Variants in KCNH8 observed in about 807,000 individuals in gnomAD.
KCNH8 encodes the protein potassium voltage-gated channel subfamily H member 8.
Under a neutral mutation model 103.6 loss-of-function variants are expected in KCNH8, and 70 were observed. That is an observed-to-expected ratio of 0.68 (90% CI 0.56 to 0.82). The LOEUF is 0.82. Among genes scored for constraint, KCNH8 ranks in the 40% least tolerant of loss-of-function variants. The probability of loss-of-function intolerance (pLI) is 0.00; values close to 1 mark genes in which losing one functional copy is unlikely to be tolerated. For synonymous variants in KCNH8, 498 were observed against 489.4 expected, an observed-to-expected ratio of 1.02 and a Z score of -0.23; for missense variants, 1,217 against 1,329.9, an observed-to-expected ratio of 0.92 and a Z score of 1.32.
At chr3:19,429,162 CTTTTTTTTTTTTTTTTT>C (rs575154927) in intron 7 of KCNH8, among the ~76,000 whole-genome samples, 13 of 89,876 alleles carry the variant, frequency 1.4e-4, no homozygotes, top group African/African-American at 5.7e-4. Context: ...AGAATCCACT[CTTTTTTTTTTTTTTTTT>C]TTTTTTTTTG....
intron 1 of KCNH8, among the ~76,000 whole-genome samples, chr3:19,219,001 G>A (rs1042580585): frequency 6.6e-6 from 1 of 152,112 alleles, no homozygotes; most frequent in African/African-American, 2.4e-5. Flanking sequence ...AGTACTAGGG[G>A]TTGGGACTTC....
chr3:19,416,242 T>C (rs1339568228), intron 7 of KCNH8, among the ~76,000 whole-genome samples: 1 of 152,160 alleles, frequency 6.6e-6, no homozygotes, highest in African/African-American at 2.4e-5. Context: ...TTGGACAGAC[T>C]ATGCATTAAT....
intron 1 of KCNH8, among the ~76,000 whole-genome samples, chr3:19,252,470 A>G (rs2064291487): frequency 6.6e-6 from 1 of 151,690 alleles, no homozygotes; most frequent in Non-Finnish European, 1.5e-5. Context: ...ACTCACTGCA[A>G]CCTTCGCCTT....
intron 5 of KCNH8, among the ~76,000 whole-genome samples, chr3:19,376,381 C>G (rs1050851460): frequency 6.6e-6 from 1 of 152,202 alleles, no homozygotes; most frequent in Non-Finnish European, 1.5e-5. Context: ...TCTGTCACCC[C>G]TTTCTTTGAC....
chr3:19,334,701 A>G (rs2065558006), intron 3 of KCNH8, among the ~76,000 whole-genome samples: 1 of 150,092 alleles, frequency 6.7e-6, no homozygotes, highest in Non-Finnish European at 1.5e-5. Flanking sequence ...ATATGAGGTC[A>G]GTGATGTTAA....
intron 1 of KCNH8, among the ~76,000 whole-genome samples, chr3:19,171,642 TA>T (rs2063349881): frequency 6.6e-6 from 1 of 152,210 alleles, no homozygotes; most frequent in Admixed American, 6.5e-5. Context: ...TAGATCCACT[TA>T]AATGATCTCA....
At chr3:19,483,688 A>G (rs566924878) in intron 11 of KCNH8, among the ~76,000 whole-genome samples, 3 of 152,300 alleles carry the variant, frequency 2.0e-5, no homozygotes. Context: ...AGAAAGTTTA[A>G]AACACTGGCT....
At chr3:19,299,179 T>C (rs2065032731) in intron 3 of KCNH8, among the ~76,000 whole-genome samples, 1 of 152,020 alleles carries the variant, frequency 6.6e-6, no homozygotes, top group Admixed American at 6.6e-5. Flanking sequence ...GGGTAGTGCA[T>C]GAGAAAATAA....
intron 7 of KCNH8, among the ~76,000 whole-genome samples, chr3:19,412,913 G>A (rs2125149783): frequency 6.6e-6 from 1 of 151,952 alleles, no homozygotes; most frequent in Non-Finnish European, 1.5e-5. Context: ...GAACACGTTG[G>A]TGGCAATGTA....
intron 7 of KCNH8, among the ~76,000 whole-genome samples, chr3:19,424,162 C>G (rs2066991681): frequency 1.3e-5 from 2 of 151,902 alleles, no homozygotes; most frequent in Non-Finnish European, 2.9e-5. Flanking sequence ...CAAGACTGAG[C>G]AAAAAGAACA....
At chr3:19,298,557 CATACTG>C (rs2065023741) in intron 3 of KCNH8, among the ~76,000 whole-genome samples, 1 of 152,150 alleles carries the variant, frequency 6.6e-6, no homozygotes, top group African/African-American at 2.4e-5. Flanking sequence ...GCAGAAAAGA[CATACTG>C]ATACAGAATT....
At chr3:19,488,745 G>A (rs1490648751) in intron 11 of KCNH8, among the ~76,000 whole-genome samples, 3 of 152,108 alleles carry the variant, frequency 2.0e-5, no homozygotes, top group Non-Finnish European at 4.4e-5. Context: ...GTTCCTTGCA[G>A]CTGAATCCTT....
intron 3 of KCNH8, among the ~76,000 whole-genome samples, chr3:19,292,090 C>G (rs151315567): frequency 6.6e-6 from 1 of 152,270 alleles, no homozygotes; most frequent in African/African-American, 2.4e-5. Flanking sequence ...TCCATTCAAA[C>G]CAGTTGAGTA....
In KCNH8 at chr3:19,253,764, A is replaced by T. The variant is rs766933038; in HGVS notation, c.187A>T (p.Lys63Ter). Residue 63 changes from lysine (K) to a stop codon, truncating the protein, a stop_gained, in exon 2 of 16, where the codon AAG becomes TAG. Coordinates refer to ENST00000328405, the MANE Select transcript of KCNH8 (RefSeq NM_144633.3). LOFTEE classifies it high-confidence loss of function. Reference sequence around the variant, plus strand: ...ATTTGCCCGAACTGAAGTCATGCAGAAGAGTTGTAGCTGCAAGTTCTTATT... The same window carrying T: ...ATTTGCCCGAACTGAAGTCATGCAGTAGAGTTGTAGCTGCAAGTTCTTATT... ...AGFARTEVMQ[K>*]SCSCKFLFGV... 1 of 1,613,904 alleles carries T rather than the reference A, an allele frequency of 6.2e-7. No homozygotes were observed. The highest frequency in any genetic ancestry group is 8.5e-7 in the Non-Finnish European group (1 of 1,179,888).
intron 7 of KCNH8, among the ~76,000 whole-genome samples, chr3:19,396,335 C>T (rs2066517503): frequency 6.6e-6 from 1 of 151,984 alleles, no homozygotes; most frequent in Non-Finnish European, 1.5e-5. Flanking sequence ...GGCAATCTCT[C>T]AGCATAGGAC....
At chr3:19,362,436 A>T (rs1161373402) in intron 5 of KCNH8, among the ~76,000 whole-genome samples, 1 of 152,130 alleles carries the variant, frequency 6.6e-6, no homozygotes, top group Non-Finnish European at 1.5e-5. Flanking sequence ...TTCAACTCCC[A>T]GTCTTCAGTG....
At chr3:19,363,484 G>C (rs2065972361) in intron 5 of KCNH8, among the ~76,000 whole-genome samples, 1 of 152,126 alleles carries the variant, frequency 6.6e-6, no homozygotes, top group Non-Finnish European at 1.5e-5. Context: ...GTATTCAAGA[G>C]GTCTCTTAAC....
chr3:19,327,811 G>T (rs1244653053), intron 3 of KCNH8, among the ~76,000 whole-genome samples: 1 of 152,088 alleles, frequency 6.6e-6, no homozygotes, highest in Admixed American at 6.6e-5. Flanking sequence ...TCAATGCCGG[G>T]TCTACTTATT....
At chr3:19,319,780 G>A (rs1024349941) in intron 3 of KCNH8, among the ~76,000 whole-genome samples, 1 of 151,994 alleles carries the variant, frequency 6.6e-6, no homozygotes. Flanking sequence ...TCACAATATT[G>A]ATTCTACCCA....
Sources: allele counts gnomAD v4.1 joint callset (sites outside exome capture counted in the v4.1 genomes callset), GRCh38; gene constraint gnomAD v4.1.1; transcripts MANE v1.5; gene names NCBI Gene and HGNC (gene_info 2026-07-23, HGNC 2026-07-21).